The following FAM53A variants were observed in gnomAD, a reference collection of about 807,000 sequenced individuals.
FAM53A encodes the protein family with sequence similarity 53 member A.
FAM53A carries 28 observed loss-of-function variants against 26.6 expected under a neutral mutation model. The ratio of observed to expected loss-of-function variants is 1.05; its 90% confidence interval spans 0.78 to 1.45. FAM53A has a LOEUF of 1.45. FAM53A is among the 40% of genes most tolerant of loss of function. FAM53A has a pLI of 0.00. For synonymous variants in FAM53A, 290 were observed against 253.1 expected (o/e 1.15, Z -1.38); for missense variants, 650 against 575.8 (o/e 1.13, Z -1.32).
chr4:1,587,034 CTTCTT>C, the FAM53A span, among the ~76,000 whole-genome samples: 3 of 152,180 alleles, frequency 2.0e-5, no homozygotes, highest in Non-Finnish European at 4.4e-5. Context: ...ATTTGTGTGT[CTTCTT>C]TTGAGAAATG....
At chr4:1,584,140 T>C in the FAM53A span, among the ~76,000 whole-genome samples, 2 of 152,256 alleles carry the variant, frequency 1.3e-5, no homozygotes, top group African/African-American at 4.8e-5. Context: ...TTCATTAACA[T>C]GGCCTATCGA....
At chr4:1,612,286 T>C in the FAM53A span, among the ~76,000 whole-genome samples, 1 of 152,214 alleles carries the variant, frequency 6.6e-6, no homozygotes, top group African/African-American at 2.4e-5. Flanking sequence ...TTGATGCATC[T>C]TGTATTTATC....
intron 4 of FAM53A, among the ~76,000 whole-genome samples, chr4:1,653,382 C>T (rs13144025): frequency 0.02 from 2,979 of 152,266 alleles, 98 homozygotes; most frequent in African/African-American, 0.065. Flanking sequence ...AACCCAGGGC[C>T]GCTCTACATT....
chr4:1,680,248 G>A (rs1407010599), intron 1 of FAM53A, among the ~76,000 whole-genome samples: 1 of 150,318 alleles, frequency 6.7e-6, no homozygotes, highest in South Asian at 2.1e-4. Flanking sequence ...GAAACCAGGA[G>A]GCGGAGGTTT....
At chr4:1,683,181 C>A (rs993927757) in intron 1 of FAM53A, among the ~76,000 whole-genome samples, 4 of 152,194 alleles carry the variant, frequency 2.6e-5, no homozygotes, top group Non-Finnish European at 5.9e-5. Context: ...AAAGAAAAGT[C>A]ACTGTTTCTA....
intron 4 of FAM53A, among the ~76,000 whole-genome samples, chr4:1,649,821 G>T (rs1393869833): frequency 6.7e-6 from 1 of 150,268 alleles, no homozygotes; most frequent in Non-Finnish European, 1.5e-5. Flanking sequence ...CTCAGGCATG[G>T]TGTTTGTGAG....
intron 4 of FAM53A, among the ~76,000 whole-genome samples, chr4:1,648,835 G>T (rs79563570): frequency 1.3e-5 from 2 of 152,212 alleles, no homozygotes; most frequent in African/African-American, 4.8e-5. Flanking sequence ...GGGGCAAGCC[G>T]GGAGTGGTGG....
chr4:1,608,849 G>A, the FAM53A span, among the ~76,000 whole-genome samples: 1 of 152,254 alleles, frequency 6.6e-6, no homozygotes. Flanking sequence ...AATCAATATG[G>A]GTTCTGCTTT....
chr4:1,663,302 A>G (rs767793977), intron 2 of FAM53A, among the ~76,000 whole-genome samples: 13 of 152,200 alleles, frequency 8.5e-5, no homozygotes, highest in Non-Finnish European at 1.6e-4. Context: ...TTAAACATAG[A>G]ATCACCATAT....
chr4:1,623,983 CA>C (rs1339777549), intron 1 of FAM53A, among the ~76,000 whole-genome samples: 4 of 152,174 alleles, frequency 2.6e-5, no homozygotes, highest in Non-Finnish European at 5.9e-5. Flanking sequence ...CCTGAGGGCC[CA>C]GGGGCCATGC....
the FAM53A span, among the ~76,000 whole-genome samples, chr4:1,596,031 C>T: frequency 6.6e-6 from 1 of 152,228 alleles, no homozygotes; most frequent in East Asian, 1.9e-4. Flanking sequence ...GGCCGTCCAG[C>T]CTCTGCTGCC....
downstream of FAM53A, among the ~76,000 whole-genome samples, chr4:1,616,089 G>A (rs1714801229): frequency 6.6e-6 from 1 of 152,218 alleles, no homozygotes; most frequent in South Asian, 2.1e-4. Flanking sequence ...GCAGTAAGCA[G>A]GTTCTGGTGC....
chr4:1,681,006 C>T (rs1715396885), intron 1 of FAM53A, among the ~76,000 whole-genome samples: 1 of 152,158 alleles, frequency 6.6e-6, no homozygotes, highest in African/African-American at 2.4e-5. Flanking sequence ...CATGTAGGTT[C>T]ATCAACTGTA....
intron 4 of FAM53A, chr4:1,644,046 G>T: frequency 9.0e-7 from 1 of 1,115,052 alleles, no homozygotes; most frequent in Non-Finnish European, 1.2e-6. Flanking sequence ...TGGCGTGGAG[G>T]TCCGGGTCTC....
chr4:1,606,143 A>G, the FAM53A span, among the ~76,000 whole-genome samples: 1 of 148,490 alleles, frequency 6.7e-6, no homozygotes, highest in Non-Finnish European at 1.5e-5. Flanking sequence ...GGTTCACGCC[A>G]TTCTCCTGCC....
At chr4:1,614,007 C>T (rs2108729795), downstream of FAM53A, among the ~76,000 whole-genome samples, 1 of 152,246 alleles carries the variant, frequency 6.6e-6, no homozygotes, top group Admixed American at 6.5e-5. Flanking sequence ...AAAGACTCGG[C>T]GATTCTCAGG....
the FAM53A span, among the ~76,000 whole-genome samples, chr4:1,610,225 C>T: frequency 9.2e-5 from 14 of 151,952 alleles, no homozygotes; most frequent in South Asian, 1.3e-3. Flanking sequence ...CCCCTCCCTA[C>T]ACCCCACTCA....
chr4:1,585,285 T>G, the FAM53A span, among the ~76,000 whole-genome samples: 9 of 88,520 alleles, frequency 1.0e-4, no homozygotes, highest in African/African-American at 4.4e-4. Context: ...TCTTTTTTTT[T>G]TTTTTTTTTT....
chr4:1,575,436 G>A, the FAM53A span, among the ~76,000 whole-genome samples: 2 of 152,194 alleles, frequency 1.3e-5, no homozygotes, highest in African/African-American at 4.8e-5. Context: ...CAGGGGAGAT[G>A]GCTGCGGTCT....
Sources: gnomAD v4.1 joint callset for allele counts (sites outside exome capture counted in the v4.1 genomes callset) on GRCh38, gnomAD v4.1.1 for gene constraint, MANE v1.5 for transcripts, NCBI Gene and HGNC (gene_info 2026-07-23, HGNC 2026-07-21) for gene names.